The following SOD2 variants were observed in gnomAD, a reference collection of about 807,000 sequenced individuals.
SOD2 encodes the protein superoxide dismutase [Mn], mitochondrial.
Under a neutral mutation model 27.0 loss-of-function variants are expected in SOD2, and 11 were observed. That is an observed-to-expected ratio of 0.41 (90% CI 0.26 to 0.67). The LOEUF is 0.67. SOD2 is among the 30% of genes least tolerant of loss of function. The pLI is 0.34. For missense variants in SOD2, 250 were observed against 274.5 expected (o/e 0.91, Z 0.63); for synonymous variants, 105 against 103.0 (o/e 1.02, Z -0.12).
chr6:159,726,730 A>G, intron 1 of SOD2: 1 of 1,269,494 alleles, frequency 7.9e-7, no homozygotes, highest in Non-Finnish European at 1.0e-6. Context: ...CCGACGCCAG[A>G]GAACAATAGC....
At chr6:159,693,328 GC>G (rs1179283966), upstream of SOD2, 51,368 of 197,678 alleles carry the variant, frequency 0.26, 3,208 homozygotes, top group South Asian at 0.31. Flanking sequence ...CCGCCGCCCC[GC>G]CCCCCCCCCC....
At chr6:159,761,946 C>T (rs1780141905) in exon 1 of SOD2, 2 of 980,686 alleles carry the variant, frequency 2.0e-6, no homozygotes, top group African/African-American at 1.9e-5. Context: ...CAGTGGGATG[C>T]GCGGGGAGGT....
rs143899286 is a variant in SOD2, at chr6:159,722,072, A to G, written c.-116+5057T>C. 3.5e-4 allele frequency among the ~76,000 whole-genome samples: 54 copies of G among 152,200 alleles called. 1 individual carries two copies. In the East Asian group the frequency reaches 9.7e-3, roughly 27 times the overall value. The stretch of plus-strand genomic sequence containing the variant: ...TATAAACCACATTCTTTATTAAAAA[A>G]AAAAAGAAAAAAAAAGCAGGGTAGG... On this transcript the variant is annotated intron_variant, in intron 1 of 2. Transcript: ENST00000401980.
upstream of SOD2, chr6:159,727,636 C>T (rs1300984555): frequency 4.1e-6 from 4 of 985,904 alleles, no homozygotes; most frequent in East Asian, 2.3e-4. Flanking sequence ...GGGGCCCGGG[C>T]GGCAGGGCAA....
intron 1 of SOD2, among the ~76,000 whole-genome samples, chr6:159,704,421 C>T (rs983432590): frequency 2.0e-5 from 3 of 152,158 alleles, no homozygotes; most frequent in Non-Finnish European, 4.4e-5. Context: ...CGGTTCACTC[C>T]CACCCTAATA....
Position 159,693,229 on chromosome 6 carries a change from C to T in SOD2, c.-62G>A. ...CTGCTGAAGCCGCTGCCGAAGCCAC[C>T]ACAGCCACGAGTGCCGCTCCTGCGC... On this transcript the variant is annotated 5_prime_UTR_variant, in exon 1 of 5. Coordinates refer to ENST00000538183, the MANE Select transcript of SOD2 (RefSeq NM_000636.4). The T allele has an allele frequency of 6.8e-7, 1 of 1,467,504 alleles. No individual in the cohort carries two copies. The highest frequency in any genetic ancestry group is 1.3e-5 in the South Asian group (1 of 79,490). 90.9% of individuals were successfully genotyped at this position (1,467,504 alleles called of 1,614,324 possible).
At chr6:159,710,270 CAT>C (rs141490345) in intron 1 of SOD2, among the ~76,000 whole-genome samples, 18 of 143,470 alleles carry the variant, frequency 1.3e-4, no homozygotes, top group South Asian at 4.3e-4. Context: ...AGTATAAATA[CAT>C]ATATATATAT....
chr6:159,748,795 T>A, upstream of SOD2: 1 of 1,233,140 alleles, frequency 8.1e-7, no homozygotes, highest in Non-Finnish European at 1.0e-6. The surrounding 1 kb of genome is among the most constrained non-coding windows in gnomAD (Gnocchi z 5.6). Context: ...ACATGTAAAA[T>A]TCCAGTAAAA....
intron 1 of SOD2, among the ~76,000 whole-genome samples, chr6:159,716,592 ATG>A (rs1036437444): frequency 3.3e-5 from 5 of 152,164 alleles, no homozygotes; most frequent in African/African-American, 4.8e-5. Context: ...CACCATCACT[ATG>A]TGGTAAAGAC....
At chr6:159,748,964 C>T, upstream of SOD2, 1 of 1,071,632 alleles carries the variant, frequency 9.3e-7, no homozygotes, top group Non-Finnish European at 1.1e-6. This position sits in a 1 kb window ranked among gnomAD's most constrained non-coding sequence, Gnocchi z 5.6. Flanking sequence ...GGTTTATTTG[C>T]TGAGAACCAA....
intron 1 of SOD2, among the ~76,000 whole-genome samples, chr6:159,715,301 C>G (rs1159470069): frequency 6.6e-6 from 1 of 152,018 alleles, no homozygotes; most frequent in Non-Finnish European, 1.5e-5. Flanking sequence ...TTAAGAAAAA[C>G]AGGGAAGAGC....
At position 159,676,316 on chromosome 6, in the gene SOD2, T is replaced by C. The variant is rs887609328; in HGVS notation, c.*6177A>G. 2 of 152,232 alleles carry C rather than the reference T, an allele frequency of 1.3e-5. No individual in the cohort carries two copies. Among genetic ancestry groups the C allele is most frequent in the African/African-American group, 4.8e-5 (2 of 41,464 alleles). The allele number at this position is 152,232 out of a possible 1,614,324, so 9.4% of individuals were successfully genotyped here. A position where few individuals can be genotyped will look rare whatever the true frequency, so the allele number is the denominator to read the frequency against. ...TGCACACGTATATTTATTGTGGCAC[T>C]GTTCACAATAGCAAAGACTTGGAAC... On this transcript the variant is annotated 3_prime_UTR_variant, in exon 5 of 5. Transcript: ENST00000538183.
intron 1 of SOD2, chr6:159,713,869 T>A: frequency 9.6e-7 from 1 of 1,039,270 alleles, no homozygotes; most frequent in Non-Finnish European, 1.5e-6. Context: ...AACAAATACC[T>A]GATGTGCCAT....
chr6:159,753,211 A>T (rs1194233544), intron 1 of SOD2, among the ~76,000 whole-genome samples: 1 of 152,230 alleles, frequency 6.6e-6, no homozygotes, highest in Non-Finnish European at 1.5e-5. Context: ...AGAATTGATT[A>T]TTGATGTAAT....
intron 1 of SOD2, among the ~76,000 whole-genome samples, chr6:159,699,584 C>G (rs1777489501): frequency 1.3e-5 from 2 of 152,148 alleles, no homozygotes; most frequent in African/African-American, 4.8e-5. Context: ...AACATGGTCA[C>G]TGCATTCTAT....
At chr6:159,708,242 C>T (rs907660864) in intron 1 of SOD2, among the ~76,000 whole-genome samples, 2 of 152,188 alleles carry the variant, frequency 1.3e-5, no homozygotes, top group African/African-American at 4.8e-5. Flanking sequence ...CACTCCTATT[C>T]AACATAGTGT....
At chr6:159,736,219 A>T (rs1778904146) in intron 1 of SOD2, 1 of 1,575,300 alleles carries the variant, frequency 6.3e-7, no homozygotes, top group Non-Finnish European at 8.6e-7. Context: ...CACTGGAAGA[A>T]AATAAATTGA....
At chr6:159,713,732 A>C in intron 1 of SOD2, 1 of 918,284 alleles carries the variant, frequency 1.1e-6, no homozygotes, top group Admixed American at 1.7e-5. Context: ...CAACACTATT[A>C]GACTTGAATA....
chr6:159,721,416 T>C (rs1425501117), intron 1 of SOD2, among the ~76,000 whole-genome samples: 1 of 151,816 alleles, frequency 6.6e-6, no homozygotes, highest in East Asian at 1.9e-4. Flanking sequence ...TTGCCCAGGC[T>C]GGAGTGCAAT....
Sources: gnomAD v4.1 joint callset for allele counts (sites outside exome capture counted in the v4.1 genomes callset) on GRCh38, gnomAD v4.1.1 for gene constraint, Gnocchi (gnomAD v3.1) non-coding constraint, MANE v1.5 for transcripts, NCBI Gene and HGNC (gene_info 2026-07-23, HGNC 2026-07-21) for gene names.